The following ADAM12 variants were observed in gnomAD, a reference collection of about 807,000 sequenced individuals.
ADAM12 encodes disintegrin and metalloproteinase domain-containing protein 12.
Under a neutral mutation model 106.4 loss-of-function variants are expected in ADAM12, and 70 were observed. The ratio of observed to expected loss-of-function variants is 0.66; its 90% CI spans 0.54 to 0.80. The LOEUF (loss-of-function observed/expected upper bound fraction) is 0.80, where lower values mean the gene tolerates loss of function less well. ADAM12 is among the 30% of genes least tolerant of loss of function. ADAM12 has a pLI of 0.00. For synonymous variants in ADAM12, 420 were observed against 433.5 expected (o/e 0.97, Z 0.39); for missense variants, 1,010 against 1,171.9 (o/e 0.86, Z 2.02).
intron 11 of ADAM12, among the ~76,000 whole-genome samples, chr10:126,074,962 A>C (rs542275543): frequency 1.3e-5 from 2 of 152,278 alleles, no homozygotes; most frequent in Admixed American, 6.5e-5. Context: ...TGACAGCTCC[A>C]GCCATGAGCA....
chr10:126,150,395 T>A (rs780800740), intron 4 of ADAM12, among the ~76,000 whole-genome samples: 1 of 152,194 alleles, frequency 6.6e-6, no homozygotes, highest in Non-Finnish European at 1.5e-5. Context: ...TATATATCCA[T>A]CTGCCTACAG....
At chr10:126,313,023 C>T (rs1272082861) in intron 2 of ADAM12, among the ~76,000 whole-genome samples, 1 of 152,202 alleles carries the variant, frequency 6.6e-6, no homozygotes, top group Non-Finnish European at 1.5e-5. Flanking sequence ...TGCTACTTTG[C>T]TTACAGTTTC....
intron 3 of ADAM12, among the ~76,000 whole-genome samples, chr10:126,158,846 G>C (rs1354119596): frequency 7.2e-6 from 1 of 138,984 alleles, no homozygotes; most frequent in Admixed American, 7.3e-5. Context: ...TAGATGCACA[G>C]AGCACGGTGG....
chr10:126,066,020 G>A lies in ADAM12; in HGVS notation c.1413+697C>T, dbSNP rs1007525240. Among the ~76,000 whole-genome samples, 1 of 152,176 alleles carries A rather than the reference G, an allele frequency of 6.6e-6. No homozygotes were observed. Among genetic ancestry groups the A allele is most frequent in the Non-Finnish European group, 1.5e-5 (1 of 68,034 alleles). On this transcript the variant is annotated intron_variant, in intron 13 of 22. Coordinates refer to ENST00000448723, the MANE Select transcript of ADAM12 (RefSeq NM_001288973.2). This position sits in a 1 kb window ranked among gnomAD's most constrained non-coding sequence, Gnocchi z 5.1. ...CACTTCTAAATCACCGTGCTCACGT[G>A]GGGCAGCTAAGAGGGAGTTTCCTGC...
chr10:126,045,773 TGAAG>T (rs1954300511), intron 17 of ADAM12, among the ~76,000 whole-genome samples: 1 of 152,222 alleles, frequency 6.6e-6, no homozygotes, highest in Non-Finnish European at 1.5e-5. Flanking sequence ...AAACTCTTCA[TGAAG>T]GAAGGTTGCT....
chr10:126,363,634 T>C (rs568517215), intron 1 of ADAM12, among the ~76,000 whole-genome samples: 195 of 152,266 alleles, frequency 1.3e-3, no homozygotes, highest in African/African-American at 4.5e-3. Context: ...ACATGTCTGT[T>C]CTTATGCCTC....
intron 4 of ADAM12, among the ~76,000 whole-genome samples, chr10:126,149,651 G>A (rs1956694158): frequency 6.6e-6 from 1 of 152,184 alleles, no homozygotes; most frequent in Non-Finnish European, 1.5e-5. Flanking sequence ...GACTAGACTG[G>A]CTGAGTTTTC....
intron 1 of ADAM12, among the ~76,000 whole-genome samples, chr10:126,331,249 T>A (rs1259747827): frequency 1.3e-5 from 2 of 152,176 alleles, no homozygotes; most frequent in Non-Finnish European, 2.9e-5. Flanking sequence ...TCTCTGGACT[T>A]GCTCTCCTAT....
At chr10:126,285,950 A>T (rs1400538792) in intron 2 of ADAM12, among the ~76,000 whole-genome samples, 1 of 147,880 alleles carries the variant, frequency 6.8e-6, no homozygotes, top group Non-Finnish European at 1.5e-5. Context: ...TGATTGATTG[A>T]TTGGCTGATT....
At chr10:126,109,413 T>C (rs1012331482) in intron 7 of ADAM12, among the ~76,000 whole-genome samples, 1 of 152,226 alleles carries the variant, frequency 6.6e-6, no homozygotes, top group African/African-American at 2.4e-5. Flanking sequence ...TTTTGATTAA[T>C]GACATATGGG....
intron 1 of ADAM12, among the ~76,000 whole-genome samples, chr10:126,336,085 A>T (rs988522557): frequency 1.3e-5 from 2 of 152,216 alleles, no homozygotes; most frequent in African/African-American, 4.8e-5. Context: ...GCACTCAGTA[A>T]GAACCAATGA....
intron 2 of ADAM12, among the ~76,000 whole-genome samples, chr10:126,323,209 A>T (rs1470894238): frequency 6.6e-6 from 1 of 152,208 alleles, no homozygotes; most frequent in Admixed American, 6.5e-5. Context: ...CTAAGTCTGA[A>T]AGGCTAACTA....
chr10:126,264,243 C>A (rs1033745747), intron 3 of ADAM12, among the ~76,000 whole-genome samples: 10 of 152,194 alleles, frequency 6.6e-5, no homozygotes, highest in Admixed American at 2.6e-4. Context: ...CGGCTGTGGA[C>A]ACAGCACGAG....
chr10:126,275,498 G>C (rs1016523714), intron 3 of ADAM12, among the ~76,000 whole-genome samples: 2 of 152,182 alleles, frequency 1.3e-5, no homozygotes, highest in East Asian at 3.8e-4. Flanking sequence ...GTGCCATGAA[G>C]AATCGGTTCA....
At chr10:126,172,817 C>T (rs1328124485) in intron 3 of ADAM12, among the ~76,000 whole-genome samples, 5 of 152,196 alleles carry the variant, frequency 3.3e-5, no homozygotes, top group African/African-American at 1.2e-4. Context: ...CGTATGTTTA[C>T]TGCAGCATTG....
intron 8 of ADAM12, among the ~76,000 whole-genome samples, chr10:126,105,609 T>G (rs1325943401): frequency 6.6e-6 from 1 of 152,178 alleles, no homozygotes; most frequent in African/African-American, 2.4e-5. Context: ...GTCAATCAAA[T>G]CAGAATCCCT....
chr10:126,097,362 G>A (rs902168837), intron 10 of ADAM12, among the ~76,000 whole-genome samples: 2 of 152,118 alleles, frequency 1.3e-5, no homozygotes, highest in African/African-American at 2.4e-5. Context: ...CAGTAAGTGG[G>A]GGCAATCCCT....
chr10:126,121,596 G>A (rs1160628224), intron 5 of ADAM12, among the ~76,000 whole-genome samples: 1 of 148,216 alleles, frequency 6.7e-6, no homozygotes, highest in Non-Finnish European at 1.5e-5. Context: ...AGCAACCCAA[G>A]GATCTAGGTA....
At chr10:126,370,524 ATACCAGG>A (rs1456877267) in intron 1 of ADAM12, among the ~76,000 whole-genome samples, 1 of 152,188 alleles carries the variant, frequency 6.6e-6, no homozygotes, top group African/African-American at 2.4e-5. Flanking sequence ...AAGGTCAGAG[ATACCAGG>A]CCCTGCAAAT....
Sources: gnomAD v4.1 joint callset for allele counts (sites outside exome capture counted in the v4.1 genomes callset) on GRCh38, gnomAD v4.1.1 for gene constraint, Gnocchi (gnomAD v3.1) non-coding constraint, MANE v1.5 for transcripts, NCBI Gene and HGNC (gene_info 2026-07-23, HGNC 2026-07-21) for gene names.